CDH8: variants seen among roughly 807,000 people sequenced by gnomAD.
CDH8 encodes the protein cadherin 8.
In CDH8, 17 loss-of-function variants were observed where a neutral mutation model predicts 68.1. The ratio of observed to expected loss-of-function variants is 0.25; its 90% confidence interval spans 0.17 to 0.37. The LOEUF (loss-of-function observed/expected upper bound fraction) is 0.37. Among genes scored for constraint, CDH8 ranks in the 10% least tolerant of loss-of-function variants. The pLI is 1.00. For synonymous variants in CDH8, 372 were observed against 365.1 expected (o/e 1.02, Z -0.21); for missense variants, 763 against 999.3 (o/e 0.76, Z 3.19).
Position 61,960,313 on chromosome 16 carries a change from A to G in CDH8, c.253-58840T>C, listed in dbSNP as rs191819235. ...TATATACGTGTGTGTGTATACACACATATATACGTGTGTGTGTATACACAC... is the reference window on the plus strand; with the variant it reads ...TATATACGTGTGTGTGTATACACACGTATATACGTGTGTGTGTATACACAC... On this transcript the variant is annotated intron_variant, in intron 2 of 11. Transcript: ENST00000577390. Among the ~76,000 whole-genome samples the G allele has an allele frequency of 1.8e-4, 17 of 96,110 alleles. 6 individuals are homozygous for G. The East Asian group carries it at 5.0e-3, about 28-fold the overall frequency. 63.1% of individuals were successfully genotyped at this position (96,110 alleles called of 152,430 possible). A position where few individuals can be genotyped will look rare whatever the true frequency, so the allele number is the denominator to read the frequency against.
chr16:62,005,450 C>T lies in CDH8; in HGVS notation c.252+15702G>A, dbSNP rs184846079. Among the ~76,000 whole-genome samples, 339 of 152,028 alleles carry T rather than the reference C, an allele frequency of 2.2e-3. 1 individual carries two copies. Among genetic ancestry groups the T allele is most frequent in the Non-Finnish European group, 3.8e-3 (261 of 67,952 alleles). On this transcript the variant is annotated intron_variant, in intron 2 of 11. Transcript: ENST00000577390. Reference sequence around the variant, plus strand: ...TGAAAATCTCATTCAATAATATGCCCAGGGAGGCCGGGTGCTGTGGCTCAC... The same window carrying T: ...TGAAAATCTCATTCAATAATATGCCTAGGGAGGCCGGGTGCTGTGGCTCAC...
chr16:61,699,810 A>T (rs1375946286), intron 10 of CDH8, among the ~76,000 whole-genome samples: 1 of 152,126 alleles, frequency 6.6e-6, no homozygotes, highest in Non-Finnish European at 1.5e-5. Flanking sequence ...TCCTGACCAT[A>T]GGTGATCTGC....
chr16:61,861,225 A>G (rs1028668918), intron 3 of CDH8, among the ~76,000 whole-genome samples: 1 of 152,336 alleles, frequency 6.6e-6, no homozygotes, highest in African/African-American at 2.4e-5. Context: ...AATAATAGTT[A>G]AAAATGCCTG....
At chr16:61,860,916 C>T (rs1963138627) in intron 3 of CDH8, among the ~76,000 whole-genome samples, 1 of 152,158 alleles carries the variant, frequency 6.6e-6, no homozygotes, top group African/African-American at 2.4e-5. Flanking sequence ...CAGTTTTGAA[C>T]ATAAAATAGT....
intron 8 of CDH8, among the ~76,000 whole-genome samples, chr16:61,781,669 T>C (rs892022119): frequency 1.3e-5 from 2 of 152,190 alleles, no homozygotes; most frequent in Admixed American, 6.5e-5. Flanking sequence ...TTATAATTAT[T>C]GACTATCCAC....
chr16:61,957,190 TACACAC>T (rs1043132213), intron 2 of CDH8, among the ~76,000 whole-genome samples: 1 of 152,192 alleles, frequency 6.6e-6, no homozygotes, highest in South Asian at 2.1e-4. Context: ...GACATGCAGA[TACACAC>T]ACATACACAC....
At chr16:61,778,280 A>G (rs928983202) in intron 8 of CDH8, among the ~76,000 whole-genome samples, 5 of 152,138 alleles carry the variant, frequency 3.3e-5, no homozygotes, top group Admixed American at 6.6e-5. Context: ...AGACAGATGG[A>G]TATATATGAA....
chr16:62,018,036 C>G (rs993961992), intron 2 of CDH8, among the ~76,000 whole-genome samples: 2 of 152,164 alleles, frequency 1.3e-5, no homozygotes, highest in African/African-American at 4.8e-5. Flanking sequence ...ACTACAATTA[C>G]TATATAGCAG....
chr16:61,663,730 C>G (rs773260640), intron 10 of CDH8, among the ~76,000 whole-genome samples: 5 of 151,980 alleles, frequency 3.3e-5, no homozygotes, highest in Non-Finnish European at 7.4e-5. Flanking sequence ...TGTCTACATA[C>G]CTAACTACCT....
At chr16:61,751,440 C>T (rs944225576) in intron 8 of CDH8, among the ~76,000 whole-genome samples, 3 of 106,304 alleles carry the variant, frequency 2.8e-5, no homozygotes, top group Admixed American at 9.7e-5. Context: ...TAAAAATTTA[C>T]TTAAACATGA....
intron 4 of CDH8, among the ~76,000 whole-genome samples, chr16:61,842,054 A>ATTTTTTTTT (rs543607290): frequency 9.1e-5 from 12 of 132,368 alleles, no homozygotes; most frequent in South Asian, 2.5e-4. Context: ...CGCCCGGCTA[A>ATTTTTTTTT]TTTTTTTTTT....
chr16:61,710,363 A>T (rs1245103577), intron 10 of CDH8, among the ~76,000 whole-genome samples: 3 of 152,138 alleles, frequency 2.0e-5, no homozygotes. Flanking sequence ...TACTCTATAC[A>T]GTTAACTATA....
chr16:61,685,495 T>C (rs1036935231), intron 10 of CDH8, among the ~76,000 whole-genome samples: 1 of 151,938 alleles, frequency 6.6e-6, no homozygotes, highest in African/African-American at 2.4e-5. Context: ...CTATGATTAG[T>C]TCAACATGGA....
intron 2 of CDH8, among the ~76,000 whole-genome samples, chr16:62,003,947 A>T (rs1965934049): frequency 6.6e-6 from 1 of 152,138 alleles, no homozygotes; most frequent in Non-Finnish European, 1.5e-5. Context: ...CCTCAGACTC[A>T]GTATTAGGAT....
At chr16:62,019,755 A>G (rs933727682) in intron 2 of CDH8, among the ~76,000 whole-genome samples, 1 of 152,212 alleles carries the variant, frequency 6.6e-6, no homozygotes, top group Non-Finnish European at 1.5e-5. Flanking sequence ...CTTGTTTCAT[A>G]CATATATATT....
chr16:61,695,617 C>A (rs920203195), intron 10 of CDH8, among the ~76,000 whole-genome samples: 19 of 152,204 alleles, frequency 1.2e-4, no homozygotes, highest in African/African-American at 4.6e-4. Flanking sequence ...GTGACAATTC[C>A]AGACACTGTC....
At chr16:61,751,134 A>C (rs1960147541) in intron 8 of CDH8, among the ~76,000 whole-genome samples, 1 of 152,080 alleles carries the variant, frequency 6.6e-6, no homozygotes, top group African/African-American at 2.4e-5. Context: ...AGATAAACAG[A>C]AACTATCTCA....
chr16:61,702,384 AAAAAAAAG>A (rs1964448454), intron 10 of CDH8, among the ~76,000 whole-genome samples: 1 of 151,968 alleles, frequency 6.6e-6, no homozygotes, highest in Non-Finnish European at 1.5e-5. Flanking sequence ...AAAAAGAAAA[AAAAAAAAG>A]AAAAAAGAAA....
At chr16:61,853,456 A>T (rs1005344762) in intron 4 of CDH8, among the ~76,000 whole-genome samples, 16 of 152,130 alleles carry the variant, frequency 1.1e-4, no homozygotes, top group African/African-American at 4.8e-5. Context: ...TGACTGCCTT[A>T]TGTAACCCGG....
Sources: gnomAD v4.1 joint callset for allele counts (sites outside exome capture counted in the v4.1 genomes callset) on GRCh38, gnomAD v4.1.1 for gene constraint, MANE v1.5 for transcripts, NCBI Gene and HGNC (gene_info 2026-07-23, HGNC 2026-07-21) for gene names.